The following NCAM2 variants were observed in gnomAD, a reference collection of about 807,000 sequenced individuals.
NCAM2 encodes the protein neural cell adhesion molecule 2.
NCAM2 carries 30 observed loss-of-function variants against 98.1 expected under a neutral mutation model. The observed-to-expected ratio is 0.31, with a 90% CI of 0.23 to 0.41. The LOEUF (loss-of-function observed/expected upper bound fraction) is 0.41. Ranked by LOEUF, NCAM2 falls within the 10% of genes least tolerant of loss-of-function variation. The pLI, the probability that NCAM2 is intolerant of heterozygous loss-of-function variation, is 1.00. For missense variants in NCAM2, 867 were observed against 1,005.8 expected, an observed-to-expected ratio of 0.86 and a Z score of 1.87; for synonymous variants, 368 against 342.4, an observed-to-expected ratio of 1.07 and a Z score of -0.83.
intron 1 of NCAM2, among the ~76,000 whole-genome samples, chr21:21,108,283 C>A (rs923179754): frequency 6.6e-6 from 1 of 151,760 alleles, no homozygotes; most frequent in Non-Finnish European, 1.5e-5. Context: ...TAAGTCTCAC[C>A]CAAGAATTCT....
At chr21:21,133,885 T>A (rs976186789) in intron 1 of NCAM2, among the ~76,000 whole-genome samples, 2 of 152,118 alleles carry the variant, frequency 1.3e-5, no homozygotes, top group African/African-American at 4.8e-5. Flanking sequence ...GGGGAGAAAG[T>A]TGAGATCTCA....
intron 1 of NCAM2, among the ~76,000 whole-genome samples, chr21:21,245,888 A>G (rs959747847): frequency 6.6e-6 from 1 of 152,088 alleles, no homozygotes; most frequent in Non-Finnish European, 1.5e-5. Flanking sequence ...AAGGAAGGTA[A>G]GTAGGTAGAT....
intron 1 of NCAM2, among the ~76,000 whole-genome samples, chr21:21,043,504 T>C (rs2146268256): frequency 6.6e-6 from 1 of 151,886 alleles, no homozygotes; most frequent in Admixed American, 6.5e-5. Context: ...GAAGGTAGCT[T>C]TTGTTTTAAA....
intron 1 of NCAM2, among the ~76,000 whole-genome samples, chr21:21,011,820 C>G (rs539479582): frequency 4.2e-4 from 64 of 152,026 alleles, no homozygotes; most frequent in African/African-American, 1.5e-3. Context: ...AAAAAGGGGG[C>G]CAAACAACTG....
intron 10 of NCAM2, among the ~76,000 whole-genome samples, chr21:21,415,330 C>CTT (rs34997215): frequency 0.036 from 2,545 of 70,832 alleles, 385 homozygotes; most frequent in African/African-American, 0.078. Context: ...TTAGCTTGAT[C>CTT]TTTTTTTTTT....
At chr21:21,013,773 C>G (rs538493995) in intron 1 of NCAM2, among the ~76,000 whole-genome samples, 1 of 131,268 alleles carries the variant, frequency 7.6e-6, no homozygotes, top group African/African-American at 2.9e-5. Context: ...AAGAGTGAAA[C>G]TGCATCTCAA....
Position 21,231,404 on chromosome 21 carries a change from A to G in NCAM2, c.56-49174A>G, listed in dbSNP as rs535241919. 2.0e-5 allele frequency among the ~76,000 whole-genome samples: 3 copies of G among 151,444 alleles called. No individual in the cohort carries two copies. The East Asian group carries it at 5.8e-4, about 29-fold the overall frequency. ...GTACTTCCTGGGAAAACAGTATAAG[A>G]CTTTCACTTTTGGAAAAAGAAACAG... On this transcript the variant is annotated intron_variant, in intron 1 of 17. Transcript: ENST00000400546.
chr21:21,468,639 G>A (rs1235886828), intron 13 of NCAM2, 23 bp from the exon 14 acceptor site: 1 of 1,588,668 alleles, frequency 6.3e-7, no homozygotes, highest in Admixed American at 1.7e-5. Flanking sequence ...TGCAAATGAA[G>A]AAATGTTGTA....
intron 12 of NCAM2, 39 bp downstream of exon 12, chr21:21,432,320 C>G: frequency 6.3e-7 from 1 of 1,588,374 alleles, no homozygotes; most frequent in South Asian, 1.1e-5. Flanking sequence ...TTAATTCAAG[C>G]TGATCTTCAG....
chr21:21,356,507 ATTC>A (rs1172865418), intron 8 of NCAM2, among the ~76,000 whole-genome samples: 1 of 151,944 alleles, frequency 6.6e-6, no homozygotes, highest in South Asian at 2.1e-4. Context: ...TTCTTTTTTT[ATTC>A]TTAAGAAAAT....
At chr21:21,471,008 C>T (rs889670667) in intron 14 of NCAM2, among the ~76,000 whole-genome samples, 5 of 151,396 alleles carry the variant, frequency 3.3e-5, no homozygotes, top group Non-Finnish European at 7.4e-5. Context: ...TTTTTTCAAG[C>T]GCCAATGGAA....
chr21:21,415,672 A>G (rs2076980445), intron 10 of NCAM2, among the ~76,000 whole-genome samples: 1 of 152,160 alleles, frequency 6.6e-6, no homozygotes, highest in African/African-American at 2.4e-5. Flanking sequence ...TGCAGCTTCT[A>G]CATCAGCACT....
chr21:21,193,137 C>T (rs1386016951), intron 1 of NCAM2, among the ~76,000 whole-genome samples: 1 of 151,998 alleles, frequency 6.6e-6, no homozygotes, highest in Non-Finnish European at 1.5e-5. Context: ...TCTGTTTATC[C>T]CAGTCCATTG....
chr21:21,436,448 A>T (rs1978337176), intron 12 of NCAM2, among the ~76,000 whole-genome samples: 1 of 152,222 alleles, frequency 6.6e-6, no homozygotes, highest in Admixed American at 6.5e-5. Context: ...GTGACTGCCA[A>T]GTGGCACTGT....
intron 1 of NCAM2, among the ~76,000 whole-genome samples, chr21:21,022,485 A>G (rs1421054640): frequency 6.6e-6 from 1 of 152,230 alleles, no homozygotes; most frequent in Non-Finnish European, 1.5e-5. Flanking sequence ...GATTTCAGTT[A>G]TAAAAATAGG....
At position 21,030,112 on chromosome 21, in the gene NCAM2, G is replaced by T. The variant is rs7283088; in HGVS notation, c.55+31494G>T. On this transcript the variant is annotated intron_variant, in intron 1 of 17. Transcript: ENST00000400546. ...AAGACAGCAACATTGAAAAGCACTT[G>T]TTATCTGGTTTTCTTTCCTATTTCT... Among the ~76,000 whole-genome samples the T allele has an allele frequency of 8.8e-3, 1,338 of 152,222 alleles. 15 individuals carry two copies. Among genetic ancestry groups the T allele is most frequent in the African/African-American group, 0.029 (1,218 of 41,540 alleles).
At chr21:21,297,230 A>T (rs1568900661) in intron 5 of NCAM2, among the ~76,000 whole-genome samples, 1 of 151,778 alleles carries the variant, frequency 6.6e-6, no homozygotes, top group African/African-American at 2.4e-5. Context: ...ACGTGCATAA[A>T]TTCATAGGTA....
chr21:21,081,882 T>A (rs2065809292), intron 1 of NCAM2, among the ~76,000 whole-genome samples: 1 of 152,146 alleles, frequency 6.6e-6, no homozygotes, highest in East Asian at 1.9e-4. Context: ...AACACTTTAT[T>A]GATTGCAATA....
chr21:21,075,097 A>G (rs1266537061), intron 1 of NCAM2, among the ~76,000 whole-genome samples: 1 of 152,184 alleles, frequency 6.6e-6, no homozygotes, highest in Non-Finnish European at 1.5e-5. Flanking sequence ...ACAGAAAACC[A>G]AATACTGCAT....
Sources: gnomAD v4.1 joint callset for allele counts (sites outside exome capture counted in the v4.1 genomes callset) on GRCh38, gnomAD v4.1.1 for gene constraint, MANE v1.5 for transcripts, NCBI Gene and HGNC (gene_info 2026-07-23, HGNC 2026-07-21) for gene names.